UBE2Q2: variants seen among roughly 807,000 people sequenced by gnomAD.
The protein encoded by UBE2Q2 is ubiquitin-conjugating enzyme E2 Q2.
A neutral mutation model predicts 59.9 loss-of-function variants in UBE2Q2; 54 were observed. That is an observed-to-expected ratio of 0.90 (90% CI 0.72 to 1.13). The LOEUF (loss-of-function observed/expected upper bound fraction) is 1.13, where lower values mean the gene tolerates loss of function less well. Ranked by LOEUF, UBE2Q2 falls within the 50% of genes most tolerant of loss-of-function variation. The pLI, the probability that UBE2Q2 is intolerant of heterozygous loss-of-function variation, is 0.00. For missense variants in UBE2Q2, 433 were observed against 441.9 expected, an observed-to-expected ratio of 0.98 and a Z score of 0.18; for synonymous variants, 165 against 155.2, an observed-to-expected ratio of 1.06 and a Z score of -0.47.
At chr15:75,844,298 T>C in intron 1 of UBE2Q2, 1 of 1,546,210 alleles carries the variant, frequency 6.5e-7, no homozygotes, top group Non-Finnish European at 8.7e-7. Flanking sequence ...GGATTTTCCT[T>C]CTTCCCGCTT....
At chr15:75,898,986 G>A (rs555736918) in intron 12 of UBE2Q2, among the ~76,000 whole-genome samples, 6 of 151,964 alleles carry the variant, frequency 3.9e-5, no homozygotes, top group African/African-American at 1.4e-4. Flanking sequence ...TAGACTGGGT[G>A]CAGTGGCTCA....
intron 10 of UBE2Q2, 25 bp downstream of exon 10, chr15:75,890,508 T>A: frequency 6.2e-7 from 1 of 1,601,324 alleles, no homozygotes. Context: ...GATACTCCAT[T>A]TTCACCCACA....
chr15:75,847,807 C>T (rs182642413), intron 1 of UBE2Q2, among the ~76,000 whole-genome samples: 2 of 152,138 alleles, frequency 1.3e-5, no homozygotes, highest in Admixed American at 1.3e-4. Context: ...AAAAATCTCC[C>T]CCAGGAAGTA....
chr15:75,890,903 C>A lies in UBE2Q2; in HGVS notation c.934-16C>A. ...GAAATACTACTGTATTTTAGAGATA[C>A]TTTGTTCTTCTGTAGGGCTGGAGCA... is the stretch of plus-strand genomic sequence containing the variant. On this transcript the variant is annotated splice_polypyrimidine_tract_variant and intron_variant, in intron 10 of 12. Coordinates refer to ENST00000267938, the MANE Select transcript of UBE2Q2 (RefSeq NM_173469.4). The A allele has an allele frequency of 6.2e-7, 1 of 1,608,378 alleles. No individual in the cohort carries two copies. Among genetic ancestry groups the A allele is most frequent in the Non-Finnish European group, 8.5e-7 (1 of 1,175,796 alleles).
At chr15:75,845,751 A>G (rs1323421212) in intron 1 of UBE2Q2, among the ~76,000 whole-genome samples, 1 of 152,244 alleles carries the variant, frequency 6.6e-6, no homozygotes, top group African/African-American at 2.4e-5. Context: ...GCAGTCTGCC[A>G]CAGCAAAGAA....
rs532071343 is a variant in UBE2Q2 at position 75,845,370 on chromosome 15, A to G, written c.180+1524A>G. ...TGCTAAGACTTGAGAAGCCCACGAT[A>G]CAGGCTGGAGAAGGGGAGGATTTTC... On this transcript the variant is annotated intron_variant, in intron 1 of 12. Transcript: ENST00000267938. Among the ~76,000 whole-genome samples, 5 of 152,332 alleles carry G rather than the reference A, an allele frequency of 3.3e-5. No homozygotes were observed. In the South Asian group the frequency reaches 6.2e-4, roughly 19 times the overall value.
chr15:75,857,193 A>G (rs1410919314), intron 2 of UBE2Q2, among the ~76,000 whole-genome samples: 4 of 152,216 alleles, frequency 2.6e-5, no homozygotes, highest in Non-Finnish European at 5.9e-5. Flanking sequence ...AGCTAGATGG[A>G]CACATGTTTA....
At chr15:75,847,300 A>G (rs777469821) in intron 1 of UBE2Q2, among the ~76,000 whole-genome samples, 42 of 152,236 alleles carry the variant, frequency 2.8e-4, no homozygotes, top group Admixed American at 3.9e-4. Flanking sequence ...GATAACATCA[A>G]TAACTTGTCA....
intron 9 of UBE2Q2, among the ~76,000 whole-genome samples, chr15:75,884,212 C>T (rs989869330): frequency 4.6e-5 from 7 of 152,142 alleles, no homozygotes; most frequent in African/African-American, 1.7e-4. Context: ...GAGAATGTTC[C>T]AACACTCGGG....
intron 8 of UBE2Q2, among the ~76,000 whole-genome samples, chr15:75,880,545 A>C (rs1342624098): frequency 1.3e-5 from 2 of 151,126 alleles, no homozygotes; most frequent in South Asian, 2.1e-4. Context: ...GCAGTGGCCC[A>C]GGCTGGCGTG....
chr15:75,870,939 A>G (rs1897752593), intron 4 of UBE2Q2, among the ~76,000 whole-genome samples: 1 of 152,202 alleles, frequency 6.6e-6, no homozygotes, highest in Admixed American at 6.5e-5. Flanking sequence ...ACACAGAGAC[A>G]AAGTATAGAG....
At chr15:75,864,554 T>C (rs1897359011) in intron 3 of UBE2Q2, among the ~76,000 whole-genome samples, 1 of 151,600 alleles carries the variant, frequency 6.6e-6, no homozygotes, top group Admixed American at 6.6e-5. Context: ...TTCCTTTTTC[T>C]ATGTATCGGT....
chr15:75,872,869 T>C (rs1336173188), intron 4 of UBE2Q2, among the ~76,000 whole-genome samples: 1 of 141,418 alleles, frequency 7.1e-6, no homozygotes, highest in Non-Finnish European at 1.6e-5. Flanking sequence ...CTTTCTATTC[T>C]TTTTTGTATT....
chr15:75,843,530 C>T lies in UBE2Q2; in HGVS notation c.-137C>T. 2.1e-6 allele frequency: 1 copy of T among 480,564 alleles called. No individual in the cohort carries two copies. Among genetic ancestry groups the T allele is most frequent in the Non-Finnish European group, 3.1e-6 (1 of 323,818 alleles). 29.8% of individuals were successfully genotyped at this position (480,564 alleles called of 1,614,324 possible). Reference sequence around the variant, plus strand: ...CCCCTCGCCATTTTCCAGCAGCGCTCGACGAGGCGGAGCCGCGAGAGCGCG... The same window carrying T: ...CCCCTCGCCATTTTCCAGCAGCGCTTGACGAGGCGGAGCCGCGAGAGCGCG... On this transcript the variant is annotated 5_prime_UTR_variant, in exon 1 of 13. Transcript: ENST00000267938.
chr15:75,879,290 C>G, intron 8 of UBE2Q2, 102 bp downstream of exon 8: 2 of 634,540 alleles, frequency 3.2e-6, no homozygotes, highest in East Asian at 5.9e-5. Context: ...TACTCATACC[C>G]TATGGTTCAG....
chr15:75,899,644 A>T lies in UBE2Q2; in HGVS notation c.*186A>T. 1 of 438,422 alleles carries T rather than the reference A, an allele frequency of 2.3e-6. No individual in the cohort carries two copies. Among genetic ancestry groups the T allele is most frequent in the Non-Finnish European group, 4.0e-6 (1 of 250,488 alleles). The allele number at this position is 438,422 out of a possible 1,614,324, so 27.2% of individuals were successfully genotyped here. On this transcript the variant is annotated 3_prime_UTR_variant, in exon 13 of 13. Coordinates refer to ENST00000267938, the MANE Select transcript of UBE2Q2 (RefSeq NM_173469.4). ...AGCCTTTGCATTTTGCTCATTTTAG[A>T]TATCTTGGACTGAGCAGTGGGGCCT...
chr15:75,844,739 A>T (rs993171171), intron 1 of UBE2Q2: 1 of 376,238 alleles, frequency 2.7e-6, no homozygotes. Flanking sequence ...TTGATGTAGG[A>T]TATTGGTCCA....
chr15:75,875,120 A>G (rs1488612006), intron 5 of UBE2Q2, among the ~76,000 whole-genome samples: 1 of 152,252 alleles, frequency 6.6e-6, no homozygotes, highest in Non-Finnish European at 1.5e-5. Flanking sequence ...TATAGTCAAA[A>G]CAACTATAAG....
At chr15:75,895,527 C>T (rs774116003) in intron 11 of UBE2Q2, among the ~76,000 whole-genome samples, 3 of 151,576 alleles carry the variant, frequency 2.0e-5, no homozygotes, top group African/African-American at 7.3e-5. Flanking sequence ...AAAAGACTAC[C>T]CTGTAGAAAA....
Sources: gnomAD v4.1 joint callset for allele counts (sites outside exome capture counted in the v4.1 genomes callset) on GRCh38, gnomAD v4.1.1 for gene constraint, MANE v1.5 for transcripts, NCBI Gene and HGNC (gene_info 2026-07-23, HGNC 2026-07-21) for gene names.